BNC2: variants seen among roughly 807,000 people sequenced by gnomAD.
The protein encoded by BNC2 is basonuclin zinc finger protein 2, also known as zinc finger protein basonuclin-2.
Under a neutral mutation model 76.3 loss-of-function variants are expected in BNC2, and 20 were observed. That is an observed-to-expected ratio of 0.26 (90% confidence interval 0.18 to 0.38). BNC2 has a LOEUF of 0.38. BNC2 is among the 10% of genes least tolerant of loss of function. BNC2 has a pLI of 1.00. For synonymous variants in BNC2, 582 were observed against 514.8 expected (o/e 1.13, Z -1.77); for missense variants, 1,382 against 1,399.8 (o/e 0.99, Z 0.20).
intron 3 of BNC2, among the ~76,000 whole-genome samples, chr9:16,705,790 C>T (rs1260954861): frequency 1.3e-5 from 2 of 152,300 alleles, no homozygotes; most frequent in East Asian, 3.9e-4. Context: ...AGTTCTTTCA[C>T]ATTTAAGTGA....
Position 16,415,031 on chromosome 9 carries a change from C to T in BNC2, c.*3958G>A, listed in dbSNP as rs1263439354. ...TGAAAATTCATGACCAAAGAAATAA[C>T]ACTATGAGGACAGTGGCACCATTGT... On this transcript the variant is annotated 3_prime_UTR_variant, in exon 7 of 7. Transcript: ENST00000380672. 1 of 148,790 alleles carries T rather than the reference C, an allele frequency of 6.7e-6. No homozygotes were observed. The highest frequency in any genetic ancestry group is 1.5e-5 in the Non-Finnish European group (1 of 67,564). 9.2% of individuals were successfully genotyped at this position (148,790 alleles called of 1,614,324 possible). A position where few individuals can be genotyped will look rare whatever the true frequency, so the allele number is the denominator to read the frequency against.
intron 3 of BNC2, among the ~76,000 whole-genome samples, chr9:16,644,824 TTTTCTC>T (rs955699328): frequency 5.3e-5 from 8 of 152,226 alleles, no homozygotes; most frequent in African/African-American, 1.2e-4. Flanking sequence ...TGCAGGTTTC[TTTTCTC>T]TTTCTCTTTC....
chr9:16,741,957 C>CAAAAAAA (rs35573018), intron 1 of BNC2, among the ~76,000 whole-genome samples: 20 of 79,330 alleles, frequency 2.5e-4, no homozygotes, highest in South Asian at 5.4e-4. Flanking sequence ...GGCTCCATCT[C>CAAAAAAA]AAAAAAAAAA....
intron 5 of BNC2, among the ~76,000 whole-genome samples, chr9:16,518,299 C>T (rs989783997): frequency 9.9e-5 from 15 of 151,800 alleles, no homozygotes; most frequent in Non-Finnish European, 2.1e-4. Flanking sequence ...CTGGGCATGG[C>T]GGTGTGCACC....
chr9:16,537,100 T>C (rs1818153248), intron 5 of BNC2, among the ~76,000 whole-genome samples: 1 of 152,120 alleles, frequency 6.6e-6, no homozygotes, highest in African/African-American at 2.4e-5. Flanking sequence ...GAAACATGTC[T>C]AGAAGCTCCA....
chr9:16,675,749 A>C (rs914820413), intron 3 of BNC2, among the ~76,000 whole-genome samples: 1 of 152,148 alleles, frequency 6.6e-6, no homozygotes, highest in Non-Finnish European at 1.5e-5. Context: ...ATCTGTAAAG[A>C]TATTAGGTTA....
chr9:16,530,832 GAGA>G (rs753011122), intron 5 of BNC2, among the ~76,000 whole-genome samples: 1 of 152,212 alleles, frequency 6.6e-6, no homozygotes, highest in African/African-American at 2.4e-5. Flanking sequence ...GAGGCATGAG[GAGA>G]TGCAGGGGAA....
chr9:16,736,361 A>G (rs971802102), intron 2 of BNC2, among the ~76,000 whole-genome samples: 1 of 151,972 alleles, frequency 6.6e-6, no homozygotes, highest in Non-Finnish European at 1.5e-5. Flanking sequence ...TTCATATGCA[A>G]TTTACAAACC....
At chr9:16,730,955 T>C (rs1824487363) in intron 2 of BNC2, among the ~76,000 whole-genome samples, 1 of 152,224 alleles carries the variant, frequency 6.6e-6, no homozygotes, top group South Asian at 2.1e-4. Context: ...CTAACACTCA[T>C]TTTAAAATAA....
At chr9:16,568,183 GACT>G (rs1232109150) in intron 4 of BNC2, among the ~76,000 whole-genome samples, 1 of 152,072 alleles carries the variant, frequency 6.6e-6, no homozygotes, top group Non-Finnish European at 1.5e-5. Flanking sequence ...CTGGATCCTA[GACT>G]ACTATTTGAA....
Position 16,727,914 on chromosome 9 carries a change from T to C in BNC2, c.213A>G (p.Arg71=), listed in dbSNP as rs149920902. ...EPKRARDLTL[R]DSCTDNSMQF... Reference sequence around the variant, plus strand: ...GCATGGAGTTGTCAGTACAGGAGTCTCTTAAAGTCAAGTCTCTTGCCCTCT... The same window carrying C: ...GCATGGAGTTGTCAGTACAGGAGTCCCTTAAAGTCAAGTCTCTTGCCCTCT... Residue 71 remains arginine (R), a synonymous_variant, in exon 3 of 7, where the codon AGA becomes AGG. Coordinates refer to ENST00000380672, the MANE Select transcript of BNC2 (RefSeq NM_017637.6). The C allele has an allele frequency of 1.9e-5, 31 of 1,614,174 alleles. No homozygotes were observed. The African/African-American group carries it at 4.0e-4, about 21-fold the overall frequency.
chr9:16,787,937 T>C (rs896432704), intron 1 of BNC2, among the ~76,000 whole-genome samples: 17 of 152,186 alleles, frequency 1.1e-4, no homozygotes, highest in African/African-American at 3.4e-4. Flanking sequence ...CACTGAATCA[T>C]AGCACACAAG....
intron 3 of BNC2, among the ~76,000 whole-genome samples, chr9:16,641,937 A>G (rs969525009): frequency 1.3e-5 from 2 of 152,224 alleles, no homozygotes; most frequent in Non-Finnish European, 2.9e-5. Context: ...GTTTGCTGTT[A>G]ACATTTAATT....
chr9:16,728,093 GA>G (rs1824403109), intron 2 of BNC2, 96 bp from the exon 3 acceptor site: 2 of 694,960 alleles, frequency 2.9e-6, no homozygotes, highest in Admixed American at 1.9e-5. Flanking sequence ...TTTCATTTGG[GA>G]AGGGGGAGAT....
chr9:16,805,236 G>C (rs904828313), intron 1 of BNC2, among the ~76,000 whole-genome samples: 1 of 152,138 alleles, frequency 6.6e-6, no homozygotes. Context: ...GGTCTGCAAG[G>C]CTACATAAGC....
chr9:16,541,501 G>T (rs1286105523), intron 5 of BNC2, among the ~76,000 whole-genome samples: 1 of 152,176 alleles, frequency 6.6e-6, no homozygotes, highest in Non-Finnish European at 1.5e-5. Flanking sequence ...TGGAATGATG[G>T]CTGACTCAAT....
chr9:16,785,191 GCT>G (rs1054834937), intron 1 of BNC2, among the ~76,000 whole-genome samples: 98 of 152,302 alleles, frequency 6.4e-4, no homozygotes, highest in African/African-American at 2.3e-3. Context: ...CCACATTTAT[GCT>G]CTCATTGCAG....
chr9:16,507,962 G>A (rs1025862808), intron 5 of BNC2, among the ~76,000 whole-genome samples: 1 of 152,160 alleles, frequency 6.6e-6, no homozygotes, highest in African/African-American at 2.4e-5. Context: ...CACTACCAAT[G>A]AGAATGCAAA....
At chr9:16,498,439 A>G (rs7035227) in intron 5 of BNC2, among the ~76,000 whole-genome samples, 1 of 150,798 alleles carries the variant, frequency 6.6e-6, no homozygotes, top group Non-Finnish European at 1.5e-5. Flanking sequence ...CACCGTATGT[A>G]CTCACTGATA....
Sources: gnomAD v4.1 joint callset for allele counts (sites outside exome capture counted in the v4.1 genomes callset) on GRCh38, gnomAD v4.1.1 for gene constraint, MANE v1.5 for transcripts, NCBI Gene and HGNC (gene_info 2026-07-23, HGNC 2026-07-21) for gene names.